The following CDKAL1 variants were observed in gnomAD, a reference collection of about 807,000 sequenced individuals.
CDKAL1 encodes CDKAL1 threonylcarbamoyladenosine tRNA methylthiotransferase.
CDKAL1 carries 32 observed loss-of-function variants against 68.2 expected under a neutral mutation model. That is an observed-to-expected ratio of 0.47 (90% CI 0.35 to 0.63). The LOEUF is 0.63. Ranked by LOEUF, CDKAL1 falls within the 30% of genes least tolerant of loss-of-function variation. The probability of loss-of-function intolerance (pLI) is 0.00; values close to 1 mark genes in which losing one functional copy is unlikely to be tolerated. For missense variants in CDKAL1, 606 were observed against 696.7 expected (o/e 0.87, Z 1.47); for synonymous variants, 234 against 244.3 (o/e 0.96, Z 0.39).
intron 6 of CDKAL1, among the ~76,000 whole-genome samples, chr6:20,757,462 A>G (rs1581522031): frequency 6.6e-6 from 1 of 152,160 alleles, no homozygotes; most frequent in South Asian, 2.1e-4. Context: ...TTTTATACAT[A>G]TGTATAACCC....
chr6:20,598,372 C>T (rs1765932069), intron 4 of CDKAL1, among the ~76,000 whole-genome samples: 1 of 152,072 alleles, frequency 6.6e-6, no homozygotes, highest in Non-Finnish European at 1.5e-5. Context: ...AAATGGAAAC[C>T]TTAGCTTACT....
intron 13 of CDKAL1, among the ~76,000 whole-genome samples, chr6:21,117,109 C>A (rs1218272173): frequency 1.3e-5 from 2 of 152,094 alleles, no homozygotes; most frequent in African/African-American, 4.8e-5. Flanking sequence ...CCTGCCCCAA[C>A]AGCTCTGTTT....
chr6:20,942,322 A>T (rs1391853527), intron 9 of CDKAL1, among the ~76,000 whole-genome samples: 12 of 149,786 alleles, frequency 8.0e-5, no homozygotes, highest in African/African-American at 2.7e-4. Flanking sequence ...TCAAGTGTAA[A>T]CCCCAAAATA....
chr6:21,080,765 G>A (rs1404405162), intron 12 of CDKAL1, among the ~76,000 whole-genome samples: 2 of 152,150 alleles, frequency 1.3e-5, no homozygotes, highest in Non-Finnish European at 2.9e-5. Flanking sequence ...AGATGTGTAC[G>A]GCACAAGTGT....
intron 9 of CDKAL1, 78 bp from the exon 10 acceptor site, chr6:20,955,341 A>C (rs567401083): frequency 7.0e-7 from 1 of 1,418,826 alleles, no homozygotes; most frequent in African/African-American, 1.4e-5. Flanking sequence ...GAAATACTGC[A>C]TTAAAAACAG....
rs1762798629 is a variant in CDKAL1, at chr6:20,918,116, G to T, written c.743-37303G>T. On this transcript the variant is annotated intron_variant, in intron 9 of 15. Coordinates refer to ENST00000274695, the MANE Select transcript of CDKAL1 (RefSeq NM_017774.3). ...ACAGCCCAAGACTCTGTTTCGGGGG[G>T]AAAAGAGGCGTAAGAGAGCTACCTA... 1.3e-5 allele frequency among the ~76,000 whole-genome samples: 2 copies of T among 152,174 alleles called. 1 individual carries two copies. The highest frequency in any genetic ancestry group is 4.1e-4 in the South Asian group (2 of 4,826).
chr6:20,651,003 G>C (rs1338371711), intron 5 of CDKAL1, among the ~76,000 whole-genome samples: 3 of 152,000 alleles, frequency 2.0e-5, no homozygotes, highest in East Asian at 3.9e-4. Context: ...CCCTAGTTTT[G>C]TTCTTTTTTC....
chr6:20,727,505 G>T (rs1772710004), intron 5 of CDKAL1, among the ~76,000 whole-genome samples: 1 of 152,162 alleles, frequency 6.6e-6, no homozygotes, highest in African/African-American at 2.4e-5. Context: ...AGGGGGGTAA[G>T]TTGTGGGAAA....
chr6:20,718,016 G>A (rs1477130254), intron 5 of CDKAL1, among the ~76,000 whole-genome samples: 1 of 152,172 alleles, frequency 6.6e-6, no homozygotes, highest in Non-Finnish European at 1.5e-5. Context: ...TGAAATCCTA[G>A]TGGCCACTCT....
intron 4 of CDKAL1, among the ~76,000 whole-genome samples, chr6:20,593,501 G>C (rs1765681414): frequency 6.6e-6 from 1 of 151,676 alleles, no homozygotes; most frequent in Non-Finnish European, 1.5e-5. Flanking sequence ...GTATTTCTGG[G>C]GGATCAGTGG....
At chr6:20,750,485 T>C (rs1773868428) in intron 6 of CDKAL1, among the ~76,000 whole-genome samples, 1 of 152,186 alleles carries the variant, frequency 6.6e-6, no homozygotes, top group Non-Finnish European at 1.5e-5. Flanking sequence ...TCTGAGTCTC[T>C]TGAAAGTTCA....
At chr6:20,716,880 G>A (rs1276302177) in intron 5 of CDKAL1, among the ~76,000 whole-genome samples, 3 of 152,092 alleles carry the variant, frequency 2.0e-5, no homozygotes, top group Non-Finnish European at 4.4e-5. Context: ...TGGGAAGGCA[G>A]AGAAGAGAGA....
intron 15 of CDKAL1, among the ~76,000 whole-genome samples, chr6:21,209,925 T>C (rs4712588): frequency 0.14 from 21,774 of 152,194 alleles, 1,629 homozygotes; most frequent in East Asian, 0.22. Context: ...CCTTCACATG[T>C]CTTTACCTTT....
chr6:20,618,377 G>C (rs1767022035), intron 4 of CDKAL1, among the ~76,000 whole-genome samples: 1 of 152,136 alleles, frequency 6.6e-6, no homozygotes, highest in Admixed American at 6.5e-5. Context: ...TGTTCACTCT[G>C]ATGGTAGTTT....
At chr6:21,183,581 T>G (rs544876675) in intron 13 of CDKAL1, among the ~76,000 whole-genome samples, 1 of 152,268 alleles carries the variant, frequency 6.6e-6, no homozygotes, top group South Asian at 2.1e-4. Context: ...AGACGTCCAG[T>G]AGTAATGTTG....
rs1297184616 is a variant in CDKAL1 at position 20,774,405 on chromosome 6, T to G, written c.518-6740T>G. Among the ~76,000 whole-genome samples the G allele has an allele frequency of 2.0e-5, 3 of 152,294 alleles. 1 individual carries two copies. The highest frequency in any genetic ancestry group is 7.2e-5 in the African/African-American group (3 of 41,556). On this transcript the variant is annotated intron_variant, in intron 7 of 15. Coordinates refer to ENST00000274695, the MANE Select transcript of CDKAL1 (RefSeq NM_017774.3). ...GCTAGTTATGTTTCTATCACTCAAT[T>G]AATATATGTCTTTATGTTCGGGGAG...
intron 4 of CDKAL1, among the ~76,000 whole-genome samples, chr6:20,590,088 T>G (rs1298033128): frequency 2.6e-5 from 4 of 152,214 alleles, no homozygotes; most frequent in African/African-American, 9.6e-5. Flanking sequence ...AGTGCTCATA[T>G]AAGTAGTAGG....
intron 15 of CDKAL1, among the ~76,000 whole-genome samples, chr6:21,208,593 A>G (rs1779028425): frequency 7.4e-6 from 1 of 134,680 alleles, no homozygotes; most frequent in Non-Finnish European, 1.6e-5. Flanking sequence ...CTGGCTCCCA[A>G]GCAGTTTTTT....
intron 4 of CDKAL1, among the ~76,000 whole-genome samples, chr6:20,562,488 G>A (rs1480839714): frequency 1.3e-5 from 2 of 152,048 alleles, no homozygotes; most frequent in Admixed American, 6.6e-5. Flanking sequence ...GGTGGCTCAC[G>A]CCTGTAATCC....
Sources: allele counts gnomAD v4.1 joint callset (sites outside exome capture counted in the v4.1 genomes callset), GRCh38; gene constraint gnomAD v4.1.1; transcripts MANE v1.5; gene names NCBI Gene and HGNC (gene_info 2026-07-23, HGNC 2026-07-21).